Variants in CYSLTR1 observed in about 807,000 individuals in gnomAD.
CYSLTR1 encodes cysteinyl leukotriene receptor 1.
Under a neutral mutation model 2.1 loss-of-function variants are expected in CYSLTR1, and 1 was observed. The observed-to-expected ratio is 0.48, with a 90% confidence interval of 0.17 to 2.28. The LOEUF (loss-of-function observed/expected upper bound fraction) is 2.28, where lower values mean the gene tolerates loss of function less well. Ranked by LOEUF, CYSLTR1 falls within the 30% of genes most tolerant of loss-of-function variation. The pLI is 0.26. For synonymous variants in CYSLTR1, 110 were observed against 89.6 expected (o/e 1.23, Z -1.28); for missense variants, 299 against 250.1 (o/e 1.20, Z -1.32).
chrX:78,280,372 C>T (rs190621072), intron 2 of CYSLTR1, among the ~76,000 whole-genome samples: 15 of 110,885 alleles, frequency 1.4e-4, no homozygotes, highest in East Asian at 8.5e-4. Context: ...TAGCCCTTTT[C>T]GGCTTTATTG....
chrX:78,278,795 T>G (rs1342739409), intron 2 of CYSLTR1, among the ~76,000 whole-genome samples: 1 of 111,538 alleles, frequency 9.0e-6, no homozygotes, highest in Non-Finnish European at 1.9e-5. Context: ...ATTCCAGAAA[T>G]AAATCTGCAC....
chrX:78,323,142 T>C (rs1261681169), intron 1 of CYSLTR1, among the ~76,000 whole-genome samples: 1 of 111,853 alleles, frequency 8.9e-6, no homozygotes, highest in African/African-American at 3.3e-5. Context: ...GTTTGGGTGA[T>C]AGAAATGTGT....
chrX:78,286,285 T>TA (rs1000838731), intron 1 of CYSLTR1, among the ~76,000 whole-genome samples: 9 of 110,390 alleles, frequency 8.2e-5, no homozygotes, highest in Admixed American at 2.9e-4. Context: ...CTACAAAAAA[T>TA]AAAAAAAATG....
At chrX:78,306,624 T>C (rs1306495011) in intron 1 of CYSLTR1, among the ~76,000 whole-genome samples, 1 of 111,915 alleles carries the variant, frequency 8.9e-6, no homozygotes, top group African/African-American at 3.2e-5. Flanking sequence ...ATGGATAAAG[T>C]GGCAATAACA....
intron 1 of CYSLTR1, among the ~76,000 whole-genome samples, chrX:78,317,403 C>A (rs987090088): frequency 1.3e-4 from 15 of 112,233 alleles, no homozygotes; most frequent in Non-Finnish European, 2.6e-4. Context: ...AGTACAACTA[C>A]TATGGAAAAC....
In CYSLTR1 at chrX:78,283,460, C is replaced by T. The variant is rs201829793; in HGVS notation, c.-34G>A. 1.8e-5 allele frequency: 2 copies of T among 112,689 alleles called. No individual in the cohort carries two copies. The highest frequency in any genetic ancestry group is 3.8e-5 in the Non-Finnish European group (2 of 53,313). 9.3% of individuals were successfully genotyped at this position (112,689 alleles called of 1,213,427 possible). Reference sequence around the variant, plus strand: ...TTGGAAAATTCAGGTATACCTCTTTCTGGCACTGGAGTACCTTCACAAATG... The same window carrying T: ...TTGGAAAATTCAGGTATACCTCTTTTTGGCACTGGAGTACCTTCACAAATG... On this transcript the variant is annotated 5_prime_UTR_variant, in exon 2 of 3. Coordinates refer to ENST00000373304, the MANE Select transcript of CYSLTR1 (RefSeq NM_006639.4).
intron 1 of CYSLTR1, among the ~76,000 whole-genome samples, chrX:78,289,183 G>A (rs776684093): frequency 2.0e-5 from 2 of 102,076 alleles, no homozygotes; most frequent in South Asian, 9.1e-4. Flanking sequence ...CTCATTGTTT[G>A]GTTCCCACCT....
chrX:78,312,900 GT>G (rs1923270757), intron 1 of CYSLTR1, among the ~76,000 whole-genome samples: 1 of 112,271 alleles, frequency 8.9e-6, no homozygotes, highest in Non-Finnish European at 1.9e-5. Context: ...ATGGAAAGCA[GT>G]TTGGAGATTT....
Position 78,272,677 on chromosome X carries a change from C to G in CYSLTR1, c.*56G>C. ...TTTATTTTTTTTGTAAATGATTTGA[C>G]AAAATACTTATTTGGGAAACTATTT... is the stretch of plus-strand genomic sequence containing the variant. On this transcript the variant is annotated 3_prime_UTR_variant, in exon 3 of 3. Coordinates refer to ENST00000373304, the MANE Select transcript of CYSLTR1 (RefSeq NM_006639.4). 9.6e-7 allele frequency: 1 copy of G among 1,036,521 alleles called. No homozygotes were observed. The highest frequency in any genetic ancestry group is 1.3e-6 in the Non-Finnish European group (1 of 790,696). The allele number at this position is 1,036,521 out of a possible 1,213,427, so 85.4% of individuals were successfully genotyped here.
intron 1 of CYSLTR1, among the ~76,000 whole-genome samples, chrX:78,316,061 A>G (rs936122387): frequency 1.8e-5 from 2 of 112,443 alleles, no homozygotes; most frequent in Non-Finnish European, 3.8e-5. Flanking sequence ...AGACAGAGAG[A>G]CTACATTTGT....
chrX:78,275,293 G>A (rs761194297), intron 2 of CYSLTR1, among the ~76,000 whole-genome samples: 16 of 111,500 alleles, frequency 1.4e-4, no homozygotes, highest in South Asian at 1.1e-3. Context: ...TGTTTATTGC[G>A]GCACTATTCA....
At chrX:78,326,981 C>T (rs1397035167) in intron 1 of CYSLTR1, among the ~76,000 whole-genome samples, 4 of 111,689 alleles carry the variant, frequency 3.6e-5, no homozygotes, top group Admixed American at 1.9e-4. Context: ...TCCACTGAAC[C>T]CTCAAAATGG....
Position 78,273,195 on chromosome X carries a change from A to AT in CYSLTR1, c.551dup (p.Asn184LysfsTer46). The AT allele has an allele frequency of 8.3e-7, 1 of 1,210,937 alleles. No homozygotes were observed. The highest frequency in any genetic ancestry group is 1.1e-6 in the Non-Finnish European group (1 of 895,171). ...ACACATAATGCAAGACCAAAACATG[A>AT]TTTTTAGTTTGATTGTCTTGTGGGG... On this transcript the variant is annotated frameshift_variant, in exon 3 of 3. Transcript: ENST00000373304. LOFTEE classifies it low-confidence loss of function (END_TRUNC).
chrX:78,306,855 T>C lies in CYSLTR1; in HGVS notation c.-115+20450A>G, dbSNP rs760661907. 3.6e-5 allele frequency among the ~76,000 whole-genome samples: 4 copies of C among 112,125 alleles called. No individual in the cohort carries two copies. The South Asian group carries it at 1.5e-3, about 41-fold the overall frequency. On this transcript the variant is annotated intron_variant, in intron 1 of 2. Coordinates refer to ENST00000373304, the MANE Select transcript of CYSLTR1 (RefSeq NM_006639.4). Reference sequence around the variant, plus strand: ...GAGTGGTTTTTAAGAAAGATTGTGGTCATTGGTTTGAAATGTTCCAAAAGA... The same window carrying C: ...GAGTGGTTTTTAAGAAAGATTGTGGCCATTGGTTTGAAATGTTCCAAAAGA...
chrX:78,302,775 G>A (rs1473984180), intron 1 of CYSLTR1, among the ~76,000 whole-genome samples: 1 of 110,745 alleles, frequency 9.0e-6, no homozygotes, highest in Non-Finnish European at 1.9e-5. Context: ...CTGTGGCTGA[G>A]ATGGTATTCA....
intron 2 of CYSLTR1, among the ~76,000 whole-genome samples, chrX:78,283,136 C>T (rs1018179425): frequency 2.7e-4 from 30 of 111,031 alleles, no homozygotes; most frequent in African/African-American, 8.8e-4. Context: ...TAGAATTTAC[C>T]GTGATCCCCC....
chrX:78,280,673 T>C (rs868717569), intron 2 of CYSLTR1, among the ~76,000 whole-genome samples: 3 of 111,373 alleles, frequency 2.7e-5, no homozygotes, highest in African/African-American at 9.8e-5. Context: ...ACAGATTATT[T>C]CATCACCTAG....
In CYSLTR1 at chrX:78,278,623, C is replaced by G. The variant is rs1045229888; in HGVS notation, c.-28+4831G>C. ...AATTAAGAAAATCACTTCTAAAATT[C>G]ATATGGCACCAGAAAAGAGCCTGAA... On this transcript the variant is annotated intron_variant, in intron 2 of 2. Coordinates refer to ENST00000373304, the MANE Select transcript of CYSLTR1 (RefSeq NM_006639.4). 6.2e-5 allele frequency among the ~76,000 whole-genome samples: 7 copies of G among 112,238 alleles called. No homozygotes were observed. The Admixed American group carries it at 6.6e-4, about 11-fold the overall frequency.
At chrX:78,308,998 C>G (rs771964859) in intron 1 of CYSLTR1, among the ~76,000 whole-genome samples, 2 of 111,679 alleles carry the variant, frequency 1.8e-5, no homozygotes, top group Non-Finnish European at 3.8e-5. Context: ...GAAAGAGAGT[C>G]ATTATTTTAT....
Sources: gnomAD v4.1 joint callset for allele counts (sites outside exome capture counted in the v4.1 genomes callset) on GRCh38, gnomAD v4.1.1 for gene constraint, MANE v1.5 for transcripts, NCBI Gene and HGNC (gene_info 2026-07-23, HGNC 2026-07-21) for gene names.